Variants in TFEC observed in about 807,000 individuals in gnomAD.
TFEC encodes class E basic helix-loop-helix protein 34.
Under a neutral mutation model 41.6 loss-of-function variants are expected in TFEC, and 31 were observed. The observed-to-expected ratio is 0.74, with a 90% CI of 0.56 to 1.01. TFEC has a LOEUF of 1.01. Among genes scored for constraint, TFEC ranks in the 50% least tolerant of loss-of-function variants. The pLI is 0.00. For missense variants in TFEC, 402 were observed against 404.1 expected, an observed-to-expected ratio of 0.99 and a Z score of 0.04; for synonymous variants, 143 against 140.6, an observed-to-expected ratio of 1.02 and a Z score of -0.12.
intron 3 of TFEC, among the ~76,000 whole-genome samples, chr7:116,048,019 A>G (rs1402444957): frequency 6.6e-6 from 1 of 152,202 alleles, no homozygotes. Flanking sequence ...AGATAAAACC[A>G]CAAAGATGGG....
upstream of TFEC, among the ~76,000 whole-genome samples, chr7:116,033,702 C>T (rs572011394): frequency 6.6e-6 from 1 of 152,164 alleles, no homozygotes; most frequent in South Asian, 2.1e-4. Context: ...TAGCAATGCC[C>T]TCCTCTCACC....
intron 1 of TFEC, among the ~76,000 whole-genome samples, chr7:116,155,496 T>G (rs1562989631): frequency 6.6e-6 from 1 of 152,184 alleles, no homozygotes; most frequent in Non-Finnish European, 1.5e-5. Context: ...TTTTTGTTTT[T>G]GTTTTTAAAG....
upstream of TFEC, among the ~76,000 whole-genome samples, chr7:116,031,935 A>G (rs1795793636): frequency 6.6e-6 from 1 of 152,188 alleles, no homozygotes; most frequent in Admixed American, 6.6e-5. Flanking sequence ...AATAAACAAC[A>G]TTGATATTAG....
intron 2 of TFEC, among the ~76,000 whole-genome samples, chr7:115,982,639 A>G (rs1793678561): frequency 6.6e-6 from 1 of 152,188 alleles, no homozygotes; most frequent in African/African-American, 2.4e-5. Context: ...AATTTAAAAT[A>G]TGATGGTTTA....
intron 2 of TFEC, 125 bp downstream of exon 2, chr7:115,984,137 A>C: frequency 8.2e-7 from 1 of 1,212,558 alleles, no homozygotes; most frequent in South Asian, 1.6e-5. Flanking sequence ...TAATTAATTA[A>C]AAGCACATTT....
At chr7:115,950,850 T>A in intron 6 of TFEC, 24 bp downstream of exon 6, 1 of 1,564,288 alleles carries the variant, frequency 6.4e-7, no homozygotes, top group Non-Finnish European at 8.7e-7. Flanking sequence ...ATAACATTAT[T>A]ATAGAAATGA....
At chr7:116,029,012 T>C (rs1795689918) in intron 1 of TFEC, among the ~76,000 whole-genome samples, 1 of 152,180 alleles carries the variant, frequency 6.6e-6, no homozygotes, top group African/African-American at 2.4e-5. Context: ...TTTTGGGCTA[T>C]CTAGAACTTA....
At chr7:115,965,523 C>CT (rs1792802566) in intron 3 of TFEC, among the ~76,000 whole-genome samples, 2 of 151,074 alleles carry the variant, frequency 1.3e-5, no homozygotes, top group South Asian at 2.1e-4. Flanking sequence ...CCTTTTTTTT[C>CT]TTTCTTTTTT....
intron 1 of TFEC, among the ~76,000 whole-genome samples, chr7:115,989,250 T>C (rs897170895): frequency 6.6e-6 from 1 of 152,162 alleles, no homozygotes; most frequent in African/African-American, 2.4e-5. Context: ...CATTAATGTA[T>C]TTAAAATAAT....
chr7:116,075,400 G>T (rs1343277203), intron 3 of TFEC, among the ~76,000 whole-genome samples: 1 of 152,160 alleles, frequency 6.6e-6, no homozygotes, highest in Non-Finnish European at 1.5e-5. Flanking sequence ...AGGGGAACTG[G>T]ATTGCTGCTG....
intron 6 of TFEC, among the ~76,000 whole-genome samples, chr7:115,948,363 C>A (rs1791725016): frequency 6.6e-6 from 1 of 151,960 alleles, no homozygotes; most frequent in African/African-American, 2.4e-5. Context: ...CCAGCATCAT[C>A]CTGATACCAA....
chr7:116,026,538 T>C (rs1177070900), intron 1 of TFEC, among the ~76,000 whole-genome samples: 1 of 152,168 alleles, frequency 6.6e-6, no homozygotes, highest in African/African-American at 2.4e-5. Context: ...TACATAGATA[T>C]TAATTAAATT....
intron 6 of TFEC, among the ~76,000 whole-genome samples, chr7:115,944,385 G>T (rs1414153940): frequency 6.6e-6 from 1 of 151,214 alleles, no homozygotes; most frequent in Non-Finnish European, 1.5e-5. Flanking sequence ...ATTTTTGTTT[G>T]GGTTTTGTTT....
chr7:116,144,460 T>C (rs1189065680), intron 1 of TFEC, among the ~76,000 whole-genome samples: 1 of 152,184 alleles, frequency 6.6e-6, no homozygotes, highest in East Asian at 1.9e-4. Context: ...GTTTGTTTGG[T>C]CAAACACGGT....
chr7:115,992,538 C>T (rs1275110361), intron 1 of TFEC, among the ~76,000 whole-genome samples: 1 of 152,054 alleles, frequency 6.6e-6, no homozygotes, highest in Admixed American at 6.5e-5. Flanking sequence ...ACCACTGATC[C>T]CACAGAAATA....
At chr7:115,989,668 C>T (rs936505778) in intron 1 of TFEC, among the ~76,000 whole-genome samples, 4 of 152,084 alleles carry the variant, frequency 2.6e-5, no homozygotes, top group Admixed American at 2.0e-4. Context: ...GGCAGCGAGG[C>T]TTGGGGAGGG....
intron 1 of TFEC, among the ~76,000 whole-genome samples, chr7:116,000,697 G>T (rs1794558591): frequency 6.6e-6 from 1 of 151,970 alleles, no homozygotes; most frequent in Non-Finnish European, 1.5e-5. Flanking sequence ...AATCCCATTT[G>T]CAATAGCTAC....
At position 115,954,225 on chromosome 7, in the gene TFEC, TTA is replaced by T. The variant is rs764756695; in HGVS notation, c.439+359_439+360del. Among the ~76,000 whole-genome samples the T allele has an allele frequency of 2.6e-4, 40 of 152,058 alleles. 1 individual carries two copies. The highest frequency in any genetic ancestry group is 4.6e-4 in the Non-Finnish European group (31 of 67,964). ...GACACAGAAAAATGAGAACCTGGAG[TTA>T]TGTTTCTTATTATTTAAATGTTGTA... is the stretch of plus-strand genomic sequence containing the variant. On this transcript the variant is annotated intron_variant, in intron 5 of 7. Transcript: ENST00000265440.
intron 3 of TFEC, among the ~76,000 whole-genome samples, chr7:116,098,623 C>T (rs563703226): frequency 6.6e-6 from 1 of 151,876 alleles, no homozygotes; most frequent in Non-Finnish European, 1.5e-5. Context: ...TTTTAGTTAG[C>T]GATTTTAATA....
Sources: allele counts gnomAD v4.1 joint callset (sites outside exome capture counted in the v4.1 genomes callset), GRCh38; gene constraint gnomAD v4.1.1; transcripts MANE v1.5; gene names NCBI Gene and HGNC (gene_info 2026-07-23, HGNC 2026-07-21).